ETS1: variants seen among roughly 807,000 people sequenced by gnomAD.
ETS1 encodes protein C-ets-1.
ETS1 carries 15 observed loss-of-function variants against 58.6 expected under a neutral mutation model. The ratio of observed to expected loss-of-function variants is 0.26; its 90% CI spans 0.17 to 0.39. The LOEUF (loss-of-function observed/expected upper bound fraction) is 0.39. Among genes scored for constraint, ETS1 ranks in the 10% least tolerant of loss-of-function variants. The pLI is 1.00. For missense variants in ETS1, 417 were observed against 610.5 expected (o/e 0.68, Z 3.34); for synonymous variants, 214 against 218.2 (o/e 0.98, Z 0.17).
intron 2 of ETS1, among the ~76,000 whole-genome samples, chr11:128,567,358 C>T (rs889628450): frequency 6.6e-5 from 10 of 152,204 alleles, no homozygotes; most frequent in Non-Finnish European, 1.2e-4. Context: ...ATTCAGTGCT[C>T]GTACGTCTGC....
chr11:128,463,577 T>C lies in ETS1; in HGVS notation c.1174A>G (p.Lys392Glu). 2 of 1,613,276 alleles carry C rather than the reference T, an allele frequency of 1.2e-6. No individual in the cohort carries two copies. The change falls in exon 9 of 10, where the codon AAA becomes GAA. Residue 392 changes from lysine (K) to glutamate (E), a missense_variant. This residue lies in a region of ETS1 where 56 missense variants were observed against 156.1 expected (regional missense o/e 0.36). Transcript: ENST00000392668. The surrounding 1 kb of genome is among the most constrained non-coding windows in gnomAD (Gnocchi z 4.1). The stretch of plus-strand genomic sequence containing the variant: ...CAGCTGATAAAAGACTGACAGGATT[T>C]ATCAGTGAGTAATTCCAGAAGAAAC... Reference protein sequence around the residue: ...WQFLLELLTDKSCQSFISWTG... With the variant: ...WQFLLELLTDESCQSFISWTG...
At chr11:128,540,468 C>A (rs1322278605) in intron 3 of ETS1, among the ~76,000 whole-genome samples, 2 of 151,846 alleles carry the variant, frequency 1.3e-5, no homozygotes, top group African/African-American at 4.8e-5. Context: ...CAATAAAGCT[C>A]ACCTCAATAA....
intron 1 of ETS1, among the ~76,000 whole-genome samples, chr11:128,575,515 C>G (rs1468488582): frequency 6.6e-6 from 1 of 152,210 alleles, no homozygotes. Context: ...CCACTATGTG[C>G]CAGACACGGT....
At chr11:128,567,361 A>T (rs1038196835) in intron 2 of ETS1, among the ~76,000 whole-genome samples, 1 of 152,240 alleles carries the variant, frequency 6.6e-6, no homozygotes, top group South Asian at 2.1e-4. Context: ...CAGTGCTCGT[A>T]CGTCTGCAAT....
intron 1 of ETS1, among the ~76,000 whole-genome samples, chr11:128,579,369 T>G (rs528721651): frequency 6.6e-6 from 1 of 152,232 alleles, no homozygotes; most frequent in East Asian, 1.9e-4. Context: ...GACAAAGAAT[T>G]TGGCTTCCAG....
chr11:128,521,285 A>G (rs1863660702), intron 3 of ETS1, among the ~76,000 whole-genome samples: 1 of 152,224 alleles, frequency 6.6e-6, no homozygotes, highest in Admixed American at 6.5e-5. Context: ...AGAAAAATTT[A>G]TGGCAGATTA....
chr11:128,476,034 G>A (rs1399111303), intron 8 of ETS1, among the ~76,000 whole-genome samples: 1 of 152,154 alleles, frequency 6.6e-6, no homozygotes, highest in Non-Finnish European at 1.5e-5. Context: ...ATTACAGTTA[G>A]TGAATGGCTT....
At chr11:128,523,401 A>G (rs551298950) in intron 3 of ETS1, among the ~76,000 whole-genome samples, 5 of 152,260 alleles carry the variant, frequency 3.3e-5, no homozygotes, top group Admixed American at 2.0e-4. Context: ...ATATATCTAA[A>G]TACATAGCTA....
intron 3 of ETS1, chr11:128,536,295 A>G (rs1186826054): frequency 1.3e-5 from 2 of 152,380 alleles, no homozygotes; most frequent in South Asian, 4.1e-4. Context: ...CAGACCAAGT[A>G]AACTATAAGG....
At chr11:128,547,202 A>C (rs1864145993) in intron 3 of ETS1, among the ~76,000 whole-genome samples, 1 of 152,204 alleles carries the variant, frequency 6.6e-6, no homozygotes, top group African/African-American at 2.4e-5. Flanking sequence ...GTTCAACAAA[A>C]TGTGCACTGC....
At chr11:128,501,716 G>A (rs1019785496) in intron 3 of ETS1, among the ~76,000 whole-genome samples, 9 of 152,148 alleles carry the variant, frequency 5.9e-5, no homozygotes, top group East Asian at 1.9e-4. Flanking sequence ...ATCAAGACCC[G>A]TTGGGTATAG....
At chr11:128,573,897 G>A (rs756507504) in intron 1 of ETS1, among the ~76,000 whole-genome samples, 10 of 152,096 alleles carry the variant, frequency 6.6e-5, no homozygotes, top group South Asian at 2.1e-4. Flanking sequence ...TTAAAAAGTC[G>A]TTCTTGAATA....
chr11:128,566,768 G>A (rs962656084), intron 2 of ETS1, among the ~76,000 whole-genome samples: 12 of 148,468 alleles, frequency 8.1e-5, no homozygotes, highest in Non-Finnish European at 1.5e-5. Context: ...GGGCGACAGA[G>A]CAAGACACCG....
chr11:128,523,437 G>A (rs928206012), intron 3 of ETS1, among the ~76,000 whole-genome samples: 4 of 152,222 alleles, frequency 2.6e-5, no homozygotes, highest in African/African-American at 7.2e-5. Flanking sequence ...CTCCATCTTT[G>A]ATTAACAGAA....
chr11:128,508,345 T>G (rs1292655141), intron 3 of ETS1, among the ~76,000 whole-genome samples: 1 of 152,218 alleles, frequency 6.6e-6, no homozygotes, highest in African/African-American at 2.4e-5. Flanking sequence ...AAGCTCTTTA[T>G]TATTACCTCC....
intron 7 of ETS1, among the ~76,000 whole-genome samples, chr11:128,483,017 T>A (rs1299370187): frequency 6.6e-6 from 1 of 152,220 alleles, no homozygotes; most frequent in Admixed American, 6.5e-5. Context: ...CAGCTAACAG[T>A]AATGCTTTCG....
chr11:128,468,074 T>C (rs1862084865), intron 8 of ETS1, among the ~76,000 whole-genome samples: 1 of 152,188 alleles, frequency 6.6e-6, no homozygotes, highest in Non-Finnish European at 1.5e-5. Flanking sequence ...AAGAACGTGC[T>C]ACAAGCTCTG....
intron 3 of ETS1, among the ~76,000 whole-genome samples, chr11:128,550,699 A>G (rs768677682): frequency 6.6e-6 from 1 of 152,206 alleles, no homozygotes; most frequent in Non-Finnish European, 1.5e-5. Context: ...AGGTAGGGTT[A>G]CAGCTTGCTC....
At chr11:128,466,741 C>T (rs758955471) in intron 8 of ETS1, among the ~76,000 whole-genome samples, 1 of 151,720 alleles carries the variant, frequency 6.6e-6, no homozygotes, top group Non-Finnish European at 1.5e-5. Context: ...GCCCTAGAAG[C>T]CCAAGTCCTA....
Sources: allele counts gnomAD v4.1 joint callset (sites outside exome capture counted in the v4.1 genomes callset), GRCh38; gene constraint gnomAD v4.1.1; regional missense constraint gnomAD v4.1.1; non-coding constraint Gnocchi (gnomAD v3.1); transcripts MANE v1.5; gene names NCBI Gene and HGNC (gene_info 2026-07-23, HGNC 2026-07-21).